Variants in CEACAM20 observed in about 807,000 individuals in gnomAD.
CEACAM20 encodes cell adhesion molecule CEACAM20.
In CEACAM20, 50 loss-of-function variants were observed where a neutral mutation model predicts 61.2. That is an observed-to-expected ratio of 0.82 (90% CI 0.65 to 1.03). The LOEUF is 1.03. CEACAM20 is among the 50% of genes least tolerant of loss of function. CEACAM20 has a pLI of 0.00. For synonymous variants in CEACAM20, 282 were observed against 287.7 expected (o/e 0.98, Z 0.20); for missense variants, 683 against 736.4 (o/e 0.93, Z 0.84).
chr19:44,522,907 G>A lies in CEACAM20; in HGVS notation c.478C>T (p.Pro160Ser), dbSNP rs2123620907. 2 of 1,599,964 alleles carry A rather than the reference G, an allele frequency of 1.3e-6. 1 individual carries two copies. Among genetic ancestry groups the A allele is most frequent in the East Asian group, 4.5e-5 (2 of 44,534 alleles). Residue 160 changes from proline to serine, a missense_variant, in exon 4 of 12, where the codon CCT becomes TCT. Pro to Ser is a moderately conservative substitution (Grantham distance 74). Transcript: ENST00000614924. ...DPIFLDVKYGPDPVEIKLESG... is the reference protein window; with the variant it reads ...DPIFLDVKYGSDPVEIKLESG... Reference sequence around the variant, plus strand: ...TCCAATTTGATTTCAACAGGATCAGGACCATCTGAGAGGACAGGAACAATT... The same window carrying A: ...TCCAATTTGATTTCAACAGGATCAGAACCATCTGAGAGGACAGGAACAATT...
chr19:44,506,303 G>T lies in CEACAM20; in HGVS notation c.1738-89C>A, dbSNP rs566407088. The T allele has an allele frequency of 3.7e-5, 43 of 1,159,640 alleles. No individual in the cohort carries two copies. The East Asian group carries it at 9.4e-4, about 25-fold the overall frequency. 71.8% of individuals were successfully genotyped at this position (1,159,640 alleles called of 1,614,324 possible). On this transcript the variant is annotated intron_variant, in intron 11 of 11. Transcript: ENST00000614924. ...TAGTCTGGGGCCCAAACAGCCTGGAGCTTTCCTTTCTTTGGAAATTCCAAA... is the reference window on the plus strand; with the variant it reads ...TAGTCTGGGGCCCAAACAGCCTGGATCTTTCCTTTCTTTGGAAATTCCAAA...
chr19:44,517,794 C>T (rs8104074), intron 5 of CEACAM20, among the ~76,000 whole-genome samples: 78,980 of 151,486 alleles, frequency 0.52, 23,260 homozygotes, highest in African/African-American at 0.78. Context: ...CTAGGCCAAG[C>T]GCAGTGGCTC....
intron 7 of CEACAM20, 23 bp downstream of exon 7, chr19:44,513,149 C>T (rs533013677): frequency 1.3e-6 from 2 of 1,574,232 alleles, no homozygotes; most frequent in East Asian, 4.5e-5. Flanking sequence ...ATCCCCATCC[C>T]CCTCCCTGTA....
In CEACAM20 at chr19:44,516,959, C is replaced by T; in HGVS notation, c.1296G>A (p.Leu432=). 2 of 1,598,162 alleles carry T rather than the reference C, an allele frequency of 1.3e-6. No individual in the cohort carries two copies. Among genetic ancestry groups the T allele is most frequent in the African/African-American group, 1.3e-5 (1 of 74,800 alleles). ...TGAGAGACTCACCTACCACCTTGACCAGGACTGAAGTGGAGCGGGCCAGGC... is the reference window on the plus strand; with the variant it reads ...TGAGAGACTCACCTACCACCTTGACTAGGACTGAAGTGGAGCGGGCCAGGC... ...LTGLARSTSV[L]VKVVGPQSSS... The change falls in exon 6 of 12, where the codon CTG becomes CTA. Residue 432 remains leucine, a synonymous_variant. Transcript: ENST00000614924.
intron 11 of CEACAM20, among the ~76,000 whole-genome samples, chr19:44,510,149 G>A (rs978759582): frequency 1.3e-5 from 2 of 151,968 alleles, no homozygotes; most frequent in African/African-American, 2.4e-5. Flanking sequence ...GAATGAAAAG[G>A]AATGAAATAA....
rs576746656 is a variant in CEACAM20, at chr19:44,511,266, T to C, written c.1612-111A>G. The stretch of plus-strand genomic sequence containing the variant: ...AGTGGAAGGAATCTGTTCAGGTTCT[T>C]GCAGAGAATCAGAGGTGGAAGCAGG... On this transcript the variant is annotated intron_variant, in intron 10 of 11. Transcript: ENST00000614924. 8.3e-6 allele frequency: 12 copies of C among 1,438,224 alleles called. No individual in the cohort carries two copies. The African/African-American group carries it at 1.7e-4, about 20-fold the overall frequency. The allele number at this position is 1,438,224 out of a possible 1,614,324, so 89.1% of individuals were successfully genotyped here.
In CEACAM20 at chr19:44,524,187, T is replaced by C. The variant is rs1275403627; in HGVS notation, c.271A>G (p.Thr91Ala). ...EQKDMVTFYC[T>A]TKDVNITIHW... is the part of the protein sequence containing the mutation. The stretch of plus-strand genomic sequence containing the variant: ...ATGGTAATGTTGACGTCCTTAGTGG[T>C]GCAGTAGAAGGTCACCATGTCCTTC... Residue 91 changes from threonine to alanine, a missense_variant, in exon 3 of 12, where the codon ACC (threonine) becomes GCC (alanine). Thr to Ala is a moderately conservative substitution (Grantham distance 58). Coordinates refer to ENST00000614924, the MANE Select transcript of CEACAM20 (RefSeq NM_001102597.3). 1 of 1,613,972 alleles carries C rather than the reference T, an allele frequency of 6.2e-7. No homozygotes were observed. The highest frequency in any genetic ancestry group is 2.2e-5 in the East Asian group (1 of 44,886).
Position 44,510,611 on chromosome 19 carries a change from A to AGAAAGAAAGAAAGGAAGGAAGG in CEACAM20, c.1737+418_1737+419insCCTTCCTTCCTTTCTTTCTTTC, listed in dbSNP as rs71171251. Among the ~76,000 whole-genome samples the AGAAAGAAAGAAAGGAAGGAAGG allele has an allele frequency of 8.1e-4, 59 of 72,412 alleles. 1 individual carries two copies. The highest frequency in any genetic ancestry group is 3.2e-3 in the African/African-American group (50 of 15,658). 47.5% of individuals were successfully genotyped at this position (72,412 alleles called of 152,430 possible). The stretch of plus-strand genomic sequence containing the variant: ...AAGAAAGAAAGAAAGAAAGAAAGAA[A>AGAAAGAAAGAAAGGAAGGAAGG]AAGGAAGGAAGGAAGAAAGAAAGAG... On this transcript the variant is annotated intron_variant, in intron 11 of 11. Coordinates refer to ENST00000614924, the MANE Select transcript of CEACAM20 (RefSeq NM_001102597.3).
At chr19:44,507,221 G>A (rs563018194) in intron 11 of CEACAM20, among the ~76,000 whole-genome samples, 29 of 152,138 alleles carry the variant, frequency 1.9e-4, no homozygotes, top group Admixed American at 1.3e-4. Flanking sequence ...CTTACTAGGT[G>A]GTATTTCTGG....
chr19:44,507,866 AC>A (rs1970863898), intron 11 of CEACAM20, among the ~76,000 whole-genome samples: 1 of 152,216 alleles, frequency 6.6e-6, no homozygotes, highest in Admixed American at 6.5e-5. Context: ...ACTGCACACA[AC>A]CTGGGTGAAA....
intron 1 of CEACAM20, among the ~76,000 whole-genome samples, chr19:44,528,942 TTCTC>T (rs371387867): frequency 1.1e-4 from 16 of 146,120 alleles, no homozygotes; most frequent in East Asian, 4.2e-4. Flanking sequence ...ATTTCTGTAT[TTCTC>T]TCTTTCTTTC....
chr19:44,521,852 ATAT>A (rs1311491560), intron 4 of CEACAM20, among the ~76,000 whole-genome samples: 1 of 151,588 alleles, frequency 6.6e-6, no homozygotes, highest in Non-Finnish European at 1.5e-5. Flanking sequence ...TCATGTGGGG[ATAT>A]TATCTGTGTG....
intron 5 of CEACAM20, among the ~76,000 whole-genome samples, chr19:44,519,728 C>T (rs896938566): frequency 2.0e-5 from 3 of 152,176 alleles, no homozygotes; most frequent in Non-Finnish European, 2.9e-5. Context: ...TCTCTTGCTG[C>T]GCAACTCTGG....
At chr19:44,527,675 C>T (rs1017551460) in intron 1 of CEACAM20, among the ~76,000 whole-genome samples, 4 of 152,228 alleles carry the variant, frequency 2.6e-5, no homozygotes, top group Middle Eastern at 3.4e-3. Context: ...ACTGTGGATG[C>T]GGCTGATAAC....
intron 5 of CEACAM20, among the ~76,000 whole-genome samples, chr19:44,518,548 A>T (rs1422785864): frequency 6.6e-6 from 1 of 152,128 alleles, no homozygotes; most frequent in Non-Finnish European, 1.5e-5. Context: ...AGACCAGCCT[A>T]CGCAACATAG....
At chr19:44,519,332 C>T (rs1158332788) in intron 5 of CEACAM20, among the ~76,000 whole-genome samples, 1 of 152,224 alleles carries the variant, frequency 6.6e-6, no homozygotes, top group East Asian at 1.9e-4. Flanking sequence ...AAATGCCCAA[C>T]ATGTTGCTTA....
Position 44,528,221 on chromosome 19 carries a change from CTCTT to C in CEACAM20, c.52+1233_52+1236del, listed in dbSNP as rs199529141. On this transcript the variant is annotated intron_variant, in intron 1 of 11. Coordinates refer to ENST00000614924, the MANE Select transcript of CEACAM20 (RefSeq NM_001102597.3). ...CCTTTCTTTCTCTCTCTCCCTTTCC[CTCTT>C]TCTTTCTTCTTTTTCTTTTTTTTGA... Among the ~76,000 whole-genome samples the C allele has an allele frequency of 9.3e-3, 1,301 of 140,334 alleles. 14 individuals carry two copies. Among genetic ancestry groups the C allele is most frequent in the Non-Finnish European group, 0.015 (997 of 65,342 alleles). The allele number at this position is 140,334 out of a possible 152,430, so 92.1% of individuals were successfully genotyped here. A position where few individuals can be genotyped will look rare whatever the true frequency, so the allele number is the denominator to read the frequency against.
In CEACAM20 at chr19:44,528,175, CTTTCTTTCCTTT is replaced by C. The variant is rs1971591234; in HGVS notation, c.52+1271_52+1282del. 2.3e-5 allele frequency among the ~76,000 whole-genome samples: 3 copies of C among 132,734 alleles called. No individual in the cohort carries two copies. The South Asian group carries it at 7.0e-4, about 31-fold the overall frequency. The allele number at this position is 132,734 out of a possible 152,430, so 87.1% of individuals were successfully genotyped here. On this transcript the variant is annotated intron_variant, in intron 1 of 11. Transcript: ENST00000614924. ...TTTCTTTCTTTTCTTTCTTTCCTTTCTTTCTTTCCTTTCTTTCTTTCCTTTCTTTCTCTCTCT... is the reference window on the plus strand; with the variant it reads ...TTTCTTTCTTTTCTTTCTTTCCTTTCCTTTCTTTCCTTTCTTTCTCTCTCT...
intron 4 of CEACAM20, 54 bp downstream of exon 4, chr19:44,522,580 C>A: frequency 6.4e-7 from 1 of 1,574,124 alleles, no homozygotes; most frequent in Non-Finnish European, 8.6e-7. Flanking sequence ...TCTGACATGG[C>A]CAGCATCTGA....
Sources: gnomAD v4.1 joint callset for allele counts (sites outside exome capture counted in the v4.1 genomes callset) on GRCh38, gnomAD v4.1.1 for gene constraint, MANE v1.5 for transcripts, NCBI Gene and HGNC (gene_info 2026-07-23, HGNC 2026-07-21) for gene names.